OSBPL10: variants seen among roughly 807,000 people sequenced by gnomAD.
The protein encoded by OSBPL10 is oxysterol-binding protein-related protein 10.
In OSBPL10, 49 loss-of-function variants were observed where a neutral mutation model predicts 81.7. The observed-to-expected ratio is 0.60, with a 90% CI of 0.48 to 0.76. The LOEUF (loss-of-function observed/expected upper bound fraction) is 0.76. OSBPL10 is among the 30% of genes least tolerant of loss of function. OSBPL10 has a pLI of 0.00. For missense variants in OSBPL10, 923 were observed against 987.8 expected, an observed-to-expected ratio of 0.93 and a Z score of 0.88; for synonymous variants, 419 against 383.6, an observed-to-expected ratio of 1.09 and a Z score of -1.08.
At chr3:31,853,911 A>G (rs886171291) in intron 3 of OSBPL10, among the ~76,000 whole-genome samples, 5 of 152,338 alleles carry the variant, frequency 3.3e-5, no homozygotes, top group African/African-American at 9.6e-5. Context: ...AGTTATTTAT[A>G]ACGTTTCAGG....
intron 1 of OSBPL10, among the ~76,000 whole-genome samples, chr3:32,074,612 T>C (rs1303376375): frequency 6.6e-6 from 1 of 152,144 alleles, no homozygotes; most frequent in Non-Finnish European, 1.5e-5. Flanking sequence ...CTGAATCTCC[T>C]CCTAGCCCCT....
At chr3:31,943,834 G>T (rs1255497418) in intron 1 of OSBPL10, among the ~76,000 whole-genome samples, 1 of 151,778 alleles carries the variant, frequency 6.6e-6, no homozygotes, top group Non-Finnish European at 1.5e-5. Context: ...CAGGCATGGT[G>T]GCACGCACCT....
At chr3:31,905,852 CT>C (rs1696396177) in intron 1 of OSBPL10, among the ~76,000 whole-genome samples, 1 of 151,356 alleles carries the variant, frequency 6.6e-6, no homozygotes, top group African/African-American at 2.4e-5. Context: ...AAAAAAAAAC[CT>C]ATCACTTGAT....
intron 4 of OSBPL10, among the ~76,000 whole-genome samples, chr3:31,819,530 T>C (rs949408648): frequency 3.9e-5 from 6 of 152,220 alleles, no homozygotes; most frequent in African/African-American, 1.4e-4. Flanking sequence ...ATTGGGGTAC[T>C]GCACAGGCCA....
chr3:31,765,656 A>G (rs1698173737), intron 4 of OSBPL10, among the ~76,000 whole-genome samples: 2 of 152,168 alleles, frequency 1.3e-5, no homozygotes, highest in South Asian at 4.1e-4. Context: ...GTATACACCC[A>G]ATCTAAGTGA....
At chr3:31,822,509 C>T (rs1700002577) in intron 4 of OSBPL10, among the ~76,000 whole-genome samples, 1 of 152,132 alleles carries the variant, frequency 6.6e-6, no homozygotes, top group Non-Finnish European at 1.5e-5. Flanking sequence ...CAGAAAACAT[C>T]TAGCAAGGAA....
intron 1 of OSBPL10, among the ~76,000 whole-genome samples, chr3:31,914,948 GTGTTT>G (rs1399246320): frequency 6.6e-5 from 10 of 152,014 alleles, no homozygotes; most frequent in Non-Finnish European, 1.3e-4. Context: ...TGTGTCTATT[GTGTTT>G]TGTTTTGTTT....
At chr3:31,960,699 C>A (rs1698134916) in intron 1 of OSBPL10, among the ~76,000 whole-genome samples, 1 of 152,138 alleles carries the variant, frequency 6.6e-6, no homozygotes, top group Non-Finnish European at 1.5e-5. Context: ...CATCTCTGAA[C>A]CTTCCCCACT....
At chr3:31,685,933 A>G (rs867584677) in intron 7 of OSBPL10, among the ~76,000 whole-genome samples, 3 of 152,222 alleles carry the variant, frequency 2.0e-5, no homozygotes, top group African/African-American at 7.2e-5. Flanking sequence ...AGTGGGGACT[A>G]GTAGAAGGTG....
intron 1 of OSBPL10, among the ~76,000 whole-genome samples, chr3:31,952,567 C>A (rs1401803452): frequency 6.6e-6 from 1 of 152,054 alleles, no homozygotes; most frequent in African/African-American, 2.4e-5. Flanking sequence ...GCATGGGGAG[C>A]AATGAGAAGG....
chr3:31,876,488 A>C lies in OSBPL10; in HGVS notation c.482T>G (p.Phe161Cys), dbSNP rs1227139210. Residue 161 changes from phenylalanine (F) to cysteine (C), a missense_variant, in exon 3 of 12, where the codon TTC becomes TGC. By Grantham distance (205) the Phe-to-Cys change is radical. This residue lies in a region of OSBPL10 where 514 missense variants were observed against 508.0 expected (regional missense o/e 1.01). Coordinates refer to ENST00000396556, the MANE Select transcript of OSBPL10 (RefSeq NM_017784.5). ...ACAAGCTCGAAGCTGAGTCACCCAG[A>C]ATTGTTTCTCTTTTGCATCAGCAGC... The part of the protein sequence containing the change: ...LRAADAKEKQ[F>C]WVTQLRACAK... The C allele has an allele frequency of 6.2e-7, 1 of 1,613,626 alleles. No individual in the cohort carries two copies. The highest frequency in any genetic ancestry group is 1.7e-5 in the Admixed American group (1 of 60,024).
At chr3:31,871,728 T>C (rs1266250918) in intron 3 of OSBPL10, among the ~76,000 whole-genome samples, 1 of 152,168 alleles carries the variant, frequency 6.6e-6, no homozygotes, top group Non-Finnish European at 1.5e-5. Context: ...CCGGGGATGA[T>C]GGTGTGTGCC....
intron 1 of OSBPL10, among the ~76,000 whole-genome samples, chr3:31,940,421 T>C (rs1165904480): frequency 6.6e-6 from 1 of 152,222 alleles, no homozygotes; most frequent in Admixed American, 6.5e-5. Flanking sequence ...GGTGGGTGAC[T>C]GACTGGAAAT....
chr3:31,852,939 T>A (rs1700806421), intron 3 of OSBPL10, among the ~76,000 whole-genome samples: 1 of 152,176 alleles, frequency 6.6e-6, no homozygotes, highest in Non-Finnish European at 1.5e-5. Context: ...ATTTAAAGGT[T>A]CTATGCTATA....
chr3:31,797,672 C>T, intron 4 of OSBPL10: 1 of 384,566 alleles, frequency 2.6e-6, no homozygotes, highest in Non-Finnish European at 5.4e-6. Flanking sequence ...AAAGAGGGTA[C>T]ATTAAAATAC....
In OSBPL10 at chr3:31,915,652, C is replaced by T. The variant is rs145053221; in HGVS notation, c.282-35822G>A. Among the ~76,000 whole-genome samples, 2,652 of 152,156 alleles carry T rather than the reference C, an allele frequency of 0.017. 263 individuals are homozygous for T. The East Asian group carries it at 0.28, about 16-fold the overall frequency. On this transcript the variant is annotated intron_variant, in intron 1 of 11. Coordinates refer to ENST00000396556, the MANE Select transcript of OSBPL10 (RefSeq NM_017784.5). ...CAAGGGTTGAAAAACTATCGCATAC[C>T]ATGCTCAGTGCCTAGGTGACAGGAT...
Position 31,795,010 on chromosome 3 carries a change from C to T in OSBPL10, c.729+35030G>A, listed in dbSNP as rs753381279. 7.9e-5 allele frequency: 20 copies of T among 252,918 alleles called. 1 individual carries two copies. The highest frequency in any genetic ancestry group is 1.6e-4 in the Non-Finnish European group (19 of 118,758). The allele number at this position is 252,918 out of a possible 1,614,324, so 15.7% of individuals were successfully genotyped here. A position where few individuals can be genotyped will look rare whatever the true frequency, so the allele number is the denominator to read the frequency against. On this transcript the variant is annotated intron_variant, in intron 4 of 11. Coordinates refer to ENST00000396556, the MANE Select transcript of OSBPL10 (RefSeq NM_017784.5). ...TTATGAGGTTGGGAAGAACTTCTTGCCCAGCTTGGGATTACACCAGCAAGA... is the reference window on the plus strand; with the variant it reads ...TTATGAGGTTGGGAAGAACTTCTTGTCCAGCTTGGGATTACACCAGCAAGA...
intron 1 of OSBPL10, among the ~76,000 whole-genome samples, chr3:32,074,153 T>A (rs747174655): frequency 6.6e-6 from 1 of 152,130 alleles, no homozygotes; most frequent in Non-Finnish European, 1.5e-5. Context: ...CAGAACCTCC[T>A]TTAATAGCCC....
intron 4 of OSBPL10, among the ~76,000 whole-genome samples, chr3:31,821,942 C>A (rs1006711178): frequency 6.6e-6 from 1 of 152,206 alleles, no homozygotes; most frequent in Non-Finnish European, 1.5e-5. Context: ...CCACATGAAA[C>A]AAGATCACAC....
Sources: allele counts gnomAD v4.1 joint callset (sites outside exome capture counted in the v4.1 genomes callset), GRCh38; gene constraint gnomAD v4.1.1; regional missense constraint gnomAD v4.1.1; transcripts MANE v1.5; gene names NCBI Gene and HGNC (gene_info 2026-07-23, HGNC 2026-07-21).